Variants in FCAMR observed in about 807,000 individuals in gnomAD.
FCAMR encodes Fc alpha and mu receptor, also known as high affinity immunoglobulin alpha and immunoglobulin mu Fc receptor.
Under a neutral mutation model 52.2 loss-of-function variants are expected in FCAMR, and 51 were observed. That is an observed-to-expected ratio of 0.98 (90% CI 0.78 to 1.23). The LOEUF is 1.23. Ranked by LOEUF, FCAMR falls within the 50% of genes most tolerant of loss-of-function variation. The pLI, the probability that FCAMR is intolerant of heterozygous loss-of-function variation, is 0.00. For missense variants in FCAMR, 719 were observed against 712.6 expected, an observed-to-expected ratio of 1.01 and a Z score of -0.10; for synonymous variants, 282 against 262.0, an observed-to-expected ratio of 1.08 and a Z score of -0.74.
chr1:206,963,301 G>A (rs903732328), intron 4 of FCAMR, among the ~76,000 whole-genome samples: 6 of 152,098 alleles, frequency 3.9e-5, no homozygotes, highest in African/African-American at 1.4e-4. Context: ...TGTCTGCTTG[G>A]CAACAGGCCT....
At chr1:206,969,559 A>T (rs926523868) in intron 1 of FCAMR, among the ~76,000 whole-genome samples, 1 of 152,082 alleles carries the variant, frequency 6.6e-6, no homozygotes, top group Non-Finnish European at 1.5e-5. Flanking sequence ...AAGGGCATGC[A>T]CCTCACCTCA....
In FCAMR at chr1:206,965,701, A is replaced by G. The variant is rs11576146; in HGVS notation, c.313+14T>C. On this transcript the variant is annotated intron_variant, in intron 4 of 7. Transcript: ENST00000324852. ...GAGGTCCATGGTCGAACAAAGGGAG[A>G]GTAGGGGTTGTACCTGCAAAGGAGC... 0.18 allele frequency: 278,596 copies of G among 1,551,862 alleles called. 25,918 individuals are homozygous for G. The highest frequency in any genetic ancestry group is 0.26 in the East Asian group (11,234 of 42,548).
rs765645425 is a variant in FCAMR at position 206,965,942 on chromosome 1, G to A, written c.170-84C>T. On this transcript the variant is annotated intron_variant, in intron 3 of 7. Transcript: ENST00000324852. ...CTACAGAGGAAGAAGCAAACAGCCA[G>A]TTCCAAACCCCTGCCAGGCCAGATA... 7.6e-6 allele frequency: 12 copies of A among 1,583,950 alleles called. No homozygotes were observed. The South Asian group carries it at 1.1e-4, about 15-fold the overall frequency.
At chr1:206,968,378 C>G (rs1201555193) in intron 1 of FCAMR, among the ~76,000 whole-genome samples, 2 of 152,226 alleles carry the variant, frequency 1.3e-5, no homozygotes, top group Non-Finnish European at 2.9e-5. Flanking sequence ...CATTACACTT[C>G]TCTTGTATTC....
rs565990158 is a variant in FCAMR, at chr1:206,961,015, G to C, written c.861C>G (p.Thr287=). Residue 287 remains threonine, a synonymous_variant, in exon 6 of 8, where the codon ACC becomes ACG. Transcript: ENST00000324852. Reference sequence around the variant, plus strand: ...TGCCTGTCCCTGGAGCTGCTGGCCTGGTTGCTCCTGGGGTTCGTCTTCCCT... The same window carrying C: ...TGCCTGTCCCTGGAGCTGCTGGCCTCGTTGCTCCTGGGGTTCGTCTTCCCT... ...SAEGRRTPGA[T]RPAAPGTGSW... is the part of the protein sequence containing the mutation. 6 of 1,551,894 alleles carry C rather than the reference G, an allele frequency of 3.9e-6. No homozygotes were observed. Among genetic ancestry groups the C allele is most frequent in the South Asian group, 3.6e-5 (3 of 84,060 alleles).
chr1:206,966,276 C>G (rs192710546), intron 3 of FCAMR, among the ~76,000 whole-genome samples: 5 of 152,272 alleles, frequency 3.3e-5, no homozygotes, highest in African/African-American at 1.2e-4. Flanking sequence ...AAATCATGGG[C>G]CTGCCTGAGT....
At chr1:206,959,818 G>A in intron 6 of FCAMR, 21 bp from the exon 7 acceptor site, 15 of 1,569,206 alleles carry the variant, frequency 9.6e-6, no homozygotes, top group Non-Finnish European at 1.3e-5. Context: ...GGTGGAAAGA[G>A]CACAGGGGAG....
intron 5 of FCAMR, among the ~76,000 whole-genome samples, chr1:206,961,778 G>A (rs1680517251): frequency 6.6e-6 from 1 of 152,244 alleles, no homozygotes; most frequent in South Asian, 2.1e-4. Flanking sequence ...GCTGTCAGAT[G>A]TTGGCTGAGG....
chr1:206,960,129 C>G, intron 6 of FCAMR: 1 of 500,000 alleles, frequency 2.0e-6, no homozygotes. Flanking sequence ...AGTGCATCAC[C>G]CCCTCTCTCC....
chr1:206,962,644 G>T, intron 4 of FCAMR, 93 bp from the exon 5 acceptor site: 1 of 1,095,904 alleles, frequency 9.1e-7, no homozygotes, highest in Non-Finnish European at 1.3e-6. Flanking sequence ...AGAATTAGGG[G>T]TCAAGTCAGA....
At chr1:206,960,013 C>T in intron 6 of FCAMR, 1 of 510,352 alleles carries the variant, frequency 2.0e-6, no homozygotes. Context: ...TTCCACCCAT[C>T]TGTGTGTGGG....
At chr1:206,966,405 A>G (rs961711790) in intron 3 of FCAMR, among the ~76,000 whole-genome samples, 61 of 152,046 alleles carry the variant, frequency 4.0e-4, no homozygotes, top group Non-Finnish European at 4.9e-4. Context: ...TTTTGTTTTG[A>G]GATGGAGTCT....
chr1:206,958,552 G>C lies in FCAMR; in HGVS notation c.1698C>G (p.Ala566=), dbSNP rs1680353365. 1 of 1,612,988 alleles carries C rather than the reference G, an allele frequency of 6.2e-7. No individual in the cohort carries two copies. The highest frequency in any genetic ancestry group is 1.7e-5 in the Admixed American group (1 of 59,998). The change falls in exon 8 of 8, where the codon GCC becomes GCG. Residue 566 remains alanine, a synonymous_variant. Coordinates refer to ENST00000324852, the MANE Select transcript of FCAMR (RefSeq NM_001170631.2). ...MLQDDSLPAG[A]SLTAPERNPG... is the part of the protein sequence containing the mutation. ...GATTTCTCTCTGGGGCAGTCAGGCT[G>C]GCCCCAGCAGGAAGAGAGTCATCCT...
At chr1:206,969,317 G>C (rs1677224274) in intron 1 of FCAMR, 1 of 456,336 alleles carries the variant, frequency 2.2e-6, no homozygotes, top group African/African-American at 2.0e-5. Flanking sequence ...GCAGGAGTAT[G>C]AGATAAAATG....
rs916169526 is a variant in FCAMR, at chr1:206,960,839, T to A, written c.1037A>T (p.Glu346Val). The change falls in exon 6 of 8, where the codon GAG becomes GTG. Residue 346 changes from glutamate to valine, a missense_variant. By Grantham distance (121) the Glu-to-Val change is moderately radical (BLOSUM62 -2). Coordinates refer to ENST00000324852, the MANE Select transcript of FCAMR (RefSeq NM_001170631.2). ...CCTATCAGCCTTGGTAGTTGTCATC[T>A]CCCTCCTGTCCTTGCTGGCTCTAGC... is the stretch of plus-strand genomic sequence containing the variant. Reference protein sequence around the residue: ...NRARASKDRREMTTTKADRPR... With the variant: ...NRARASKDRRVMTTTKADRPR... The A allele has an allele frequency of 1.3e-6, 2 of 1,552,248 alleles. No homozygotes were observed. Among genetic ancestry groups the A allele is most frequent in the African/African-American group, 2.7e-5 (2 of 73,010 alleles).
rs185507333 is a variant in FCAMR, at chr1:206,962,965, A to T, written c.314-414T>A. 2.0e-4 allele frequency among the ~76,000 whole-genome samples: 31 copies of T among 152,360 alleles called. No individual in the cohort carries two copies. In the East Asian group the frequency reaches 5.8e-3, roughly 28 times the overall value. On this transcript the variant is annotated intron_variant, in intron 4 of 7. Transcript: ENST00000324852. ...CACAGTCCAAACTATGCCACCAATG[A>T]TAACATTAAATGGTAATCTATCATC... is the stretch of plus-strand genomic sequence containing the variant.
chr1:206,965,999 T>A, intron 3 of FCAMR, 141 bp from the exon 4 acceptor site: 9 of 1,113,432 alleles, frequency 8.1e-6, no homozygotes, highest in Non-Finnish European at 1.2e-5. Context: ...AAGAGCTGCC[T>A]GCCCTCCTGC....
Position 206,961,211 on chromosome 1 carries a change from G to C in FCAMR, c.665C>G (p.Thr222Ser), listed in dbSNP as rs893573373. The change falls in exon 6 of 8, where the codon ACC becomes AGC. Residue 222 changes from threonine (T) to serine (S), a missense_variant. Coordinates refer to ENST00000324852, the MANE Select transcript of FCAMR (RefSeq NM_001170631.2). ...NLTISAGPAS[T>S]LPTATPAAGE... is the part of the protein sequence containing the mutation. ...AGCAGCTGGAGTGGCTGTGGGGAGG[G>C]TGCTGGCGGGACCTGTGTGGACAGC... 1.3e-6 allele frequency: 2 copies of C among 1,547,860 alleles called. No individual in the cohort carries two copies. The highest frequency in any genetic ancestry group is 1.2e-5 in the South Asian group (1 of 83,326).
At chr1:206,958,775 C>T (rs751112353) in intron 7 of FCAMR, 99 bp from the exon 8 acceptor site, 2 of 1,515,182 alleles carry the variant, frequency 1.3e-6, no homozygotes, top group Non-Finnish European at 1.8e-6. Context: ...TTTTCAAGAA[C>T]TTTCTGACAC....
Sources: allele counts gnomAD v4.1 joint callset (sites outside exome capture counted in the v4.1 genomes callset), GRCh38; gene constraint gnomAD v4.1.1; transcripts MANE v1.5; gene names NCBI Gene and HGNC (gene_info 2026-07-23, HGNC 2026-07-21).